Variants in ARNT2 observed in about 807,000 individuals in gnomAD.
The protein encoded by ARNT2 is ARNT protein 2.
In ARNT2, 36 loss-of-function variants were observed where a neutral mutation model predicts 91.7. That is an observed-to-expected ratio of 0.39 (90% CI 0.30 to 0.52). The LOEUF (loss-of-function observed/expected upper bound fraction) is 0.52. ARNT2 is among the 20% of genes least tolerant of loss of function. The probability of loss-of-function intolerance (pLI) is 0.72; values close to 1 mark genes in which losing one functional copy is unlikely to be tolerated. For missense variants in ARNT2, 775 were observed against 939.3 expected, an observed-to-expected ratio of 0.83 and a Z score of 2.29; for synonymous variants, 365 against 347.1, an observed-to-expected ratio of 1.05 and a Z score of -0.57.
At chr15:80,567,063 G>A (rs970412972) in intron 12 of ARNT2, among the ~76,000 whole-genome samples, 3 of 152,104 alleles carry the variant, frequency 2.0e-5, no homozygotes, top group Non-Finnish European at 4.4e-5. Flanking sequence ...TGTGTGGCCC[G>A]GCCTTGAAGA....
At chr15:80,452,999 T>C (rs1477720577) in intron 2 of ARNT2, among the ~76,000 whole-genome samples, 2 of 152,216 alleles carry the variant, frequency 1.3e-5, no homozygotes, top group Non-Finnish European at 2.9e-5. Context: ...CTTGAACTCC[T>C]GGCCTCAAGC....
rs1347469073 is a variant in ARNT2 at position 80,591,560 on chromosome 15, T to C, written c.1919-8T>C. 1 of 1,614,166 alleles carries C rather than the reference T, an allele frequency of 6.2e-7. No homozygotes were observed. Among genetic ancestry groups the C allele is most frequent in the South Asian group, 1.1e-5 (1 of 91,074 alleles). On this transcript the variant is annotated splice_polypyrimidine_tract_variant and splice_region_variant and intron_variant, in intron 17 of 18. Transcript: ENST00000303329. This position sits in a 1 kb window ranked among gnomAD's most constrained non-coding sequence, Gnocchi z 5.1. ...TAAAGGAAGTGTCCTGTGTGTCGAATCTTTCAGCTGAAAGTGGACAAAGTA... is the reference window on the plus strand; with the variant it reads ...TAAAGGAAGTGTCCTGTGTGTCGAACCTTTCAGCTGAAAGTGGACAAAGTA...
At chr15:80,553,988 CA>C (rs1898130878) in intron 10 of ARNT2, among the ~76,000 whole-genome samples, 1 of 152,216 alleles carries the variant, frequency 6.6e-6, no homozygotes, top group Non-Finnish European at 1.5e-5. Context: ...TGGCACCTCC[CA>C]GGGGCATCCA....
intron 1 of ARNT2, among the ~76,000 whole-genome samples, chr15:80,436,956 G>C (rs1896096974): frequency 6.6e-6 from 1 of 152,140 alleles, no homozygotes; most frequent in African/African-American, 2.4e-5. Flanking sequence ...CCGTCCCACT[G>C]ATGGTCTCTC....
At chr15:80,422,935 G>T (rs547141437) in intron 1 of ARNT2, among the ~76,000 whole-genome samples, 1 of 152,164 alleles carries the variant, frequency 6.6e-6, no homozygotes, top group South Asian at 2.1e-4. Context: ...AGCCTTTTTG[G>T]TCTTGTAATT....
intron 1 of ARNT2, among the ~76,000 whole-genome samples, chr15:80,415,530 G>A (rs951313551): frequency 6.6e-6 from 1 of 152,218 alleles, no homozygotes; most frequent in African/African-American, 2.4e-5. Flanking sequence ...GGTGGGTTCT[G>A]AAAAGCTCTC....
chr15:80,576,939 C>A lies in ARNT2; in HGVS notation c.1587C>A (p.Pro529=), dbSNP rs188993088. The part of the protein sequence containing the change: ...QQIYSQGSPF[P]SGHSGKAFSS... ...TCTACTCCCAAGGAAGCCCATTTCC[C>A]TCTGGACACTCCGGGAAGGCCTTCA... The change falls in exon 15 of 19, where the codon CCC becomes CCA. Residue 529 remains proline, a synonymous_variant. Coordinates refer to ENST00000303329, the MANE Select transcript of ARNT2 (RefSeq NM_014862.4). 1 of 1,614,096 alleles carries A rather than the reference C, an allele frequency of 6.2e-7. No individual in the cohort carries two copies. Among genetic ancestry groups the A allele is most frequent in the East Asian group, 2.2e-5 (1 of 44,880 alleles).
rs146957759 is a variant in ARNT2 at position 80,423,223 on chromosome 15, G to A, written c.31+18677G>A. ...TGTGTTTCGTGCAGCACCTAATGGC[G>A]TCTGTGCCCAGTAAACATTAGCTGT... On this transcript the variant is annotated intron_variant, in intron 1 of 18. Transcript: ENST00000303329. 1.9e-3 allele frequency among the ~76,000 whole-genome samples: 287 copies of A among 152,266 alleles called. 2 individuals carry two copies. The highest frequency in any genetic ancestry group is 2.3e-3 in the Admixed American group (35 of 15,284).
chr15:80,590,018 A>G lies in ARNT2; in HGVS notation c.1919-1550A>G, dbSNP rs528151569. 2.6e-5 allele frequency among the ~76,000 whole-genome samples: 4 copies of G among 152,336 alleles called. No individual in the cohort carries two copies. In the East Asian group the frequency reaches 7.7e-4, roughly 29 times the overall value. Reference sequence around the variant, plus strand: ...GCATTAAAGGGACCTTATGCATTTTATTAAAGCCCTTTATGTCTCAGGCAT... The same window carrying G: ...GCATTAAAGGGACCTTATGCATTTTGTTAAAGCCCTTTATGTCTCAGGCAT... On this transcript the variant is annotated intron_variant, in intron 17 of 18. Transcript: ENST00000303329.
At chr15:80,515,781 A>G (rs1404478090) in intron 8 of ARNT2, among the ~76,000 whole-genome samples, 1 of 150,396 alleles carries the variant, frequency 6.6e-6, no homozygotes, top group Admixed American at 6.6e-5. Flanking sequence ...TGTTCACTTT[A>G]TGGCCCAGAA....
At chr15:80,522,056 A>T (rs555529249) in intron 8 of ARNT2, among the ~76,000 whole-genome samples, 5 of 152,310 alleles carry the variant, frequency 3.3e-5, no homozygotes, top group Admixed American at 2.6e-4. Flanking sequence ...TAATTTTTAG[A>T]TACTGTTTAA....
Position 80,580,474 on chromosome 15 carries a change from C to T in ARNT2, c.1677C>T (p.Asn559=), listed in dbSNP as rs141732450. Residue 559 remains asparagine, a synonymous_variant, in exon 16 of 19, where the codon AAC becomes AAT. Coordinates refer to ENST00000303329, the MANE Select transcript of ARNT2 (RefSeq NM_014862.4). ...AGTCCTCTTCTTCCACGGGCCAGAA[C>T]ATGTCCCAAATCTCCCGGCAGCTAA... is the stretch of plus-strand genomic sequence containing the variant. ...DIQSSSSTGQ[N]MSQISRQLNQ... The T allele has an allele frequency of 3.1e-6, 5 of 1,614,062 alleles. No individual in the cohort carries two copies. Among genetic ancestry groups the T allele is most frequent in the African/African-American group, 2.7e-5 (2 of 74,922 alleles).
intron 1 of ARNT2, among the ~76,000 whole-genome samples, chr15:80,431,128 C>A (rs532698803): frequency 1.3e-5 from 2 of 152,290 alleles, no homozygotes; most frequent in Admixed American, 6.5e-5. Context: ...CACCACCACC[C>A]CATTCCCTCA....
At chr15:80,557,382 A>C (rs1898211063) in intron 11 of ARNT2, among the ~76,000 whole-genome samples, 1 of 152,150 alleles carries the variant, frequency 6.6e-6, no homozygotes, top group South Asian at 2.1e-4. Context: ...GGATGACTCC[A>C]GCCCAGACTG....
chr15:80,447,747 TTTG>T (rs1431199368), intron 1 of ARNT2, among the ~76,000 whole-genome samples: 1 of 152,212 alleles, frequency 6.6e-6, no homozygotes, highest in Non-Finnish European at 1.5e-5. Flanking sequence ...TTTTTTCACT[TTTG>T]TTTGAATTTA....
chr15:80,579,592 G>T (rs188577274), intron 15 of ARNT2, among the ~76,000 whole-genome samples: 1 of 152,132 alleles, frequency 6.6e-6, no homozygotes, highest in African/African-American at 2.4e-5. Context: ...GGCACCCAGC[G>T]CACTGCCCTG....
At chr15:80,562,177 C>T (rs113094044) in intron 11 of ARNT2, among the ~76,000 whole-genome samples, 2,668 of 151,900 alleles carry the variant, frequency 0.018, 74 homozygotes, top group African/African-American at 0.062. Flanking sequence ...TGGATTCAAG[C>T]GATTCTCATG....
chr15:80,440,149 A>G (rs1264480363), intron 1 of ARNT2, among the ~76,000 whole-genome samples: 1 of 152,084 alleles, frequency 6.6e-6, no homozygotes, highest in Non-Finnish European at 1.5e-5. Flanking sequence ...TCCAACCTAG[A>G]TGTTCTGGGC....
intron 5 of ARNT2, among the ~76,000 whole-genome samples, chr15:80,481,927 G>A (rs1421005975): frequency 6.6e-6 from 1 of 152,076 alleles, no homozygotes; most frequent in African/African-American, 2.4e-5. Context: ...GTAGAGACAA[G>A]GTCTTGCTCT....
Sources: gnomAD v4.1 joint callset for allele counts (sites outside exome capture counted in the v4.1 genomes callset) on GRCh38, gnomAD v4.1.1 for gene constraint, Gnocchi (gnomAD v3.1) non-coding constraint, MANE v1.5 for transcripts, NCBI Gene and HGNC (gene_info 2026-07-23, HGNC 2026-07-21) for gene names.